SYNE1: variants seen among roughly 807,000 people sequenced by gnomAD.
SYNE1 encodes nesprin-1.
A neutral mutation model predicts 1,111.0 loss-of-function variants in SYNE1; 616 were observed. That is an observed-to-expected ratio of 0.55 (90% confidence interval 0.52 to 0.59). The LOEUF is 0.59. Among genes scored for constraint, SYNE1 ranks in the 20% least tolerant of loss-of-function variants. The probability of loss-of-function intolerance (pLI) is 0.00; values close to 1 mark genes in which losing one functional copy is unlikely to be tolerated. For synonymous variants in SYNE1, 3,855 were observed against 3,825.8 expected, an observed-to-expected ratio of 1.01 and a Z score of -0.28; for missense variants, 10,006 against 10,417.0, an observed-to-expected ratio of 0.96 and a Z score of 1.72.
chr6:152,276,908 G>A (rs1179571531), intron 98 of SYNE1, among the ~76,000 whole-genome samples: 9 of 134,068 alleles, frequency 6.7e-5, no homozygotes, highest in Admixed American at 2.4e-4. Flanking sequence ...TTTTTGAGAC[G>A]GCGTCTCCCT....
In SYNE1 at chr6:152,219,493, GA is replaced by G. The variant is rs34187904; in HGVS notation, c.21862-309del. Reference sequence around the variant, plus strand: ...AATGCAGAAAAACATACATAAACAAGAAAAAAAAAAAAAACAAACATGACCC... The same window carrying G: ...AATGCAGAAAAACATACATAAACAAGAAAAAAAAAAAAACAAACATGACCC... On this transcript the variant is annotated intron_variant, in intron 119 of 145. Transcript: ENST00000367255. Among the ~76,000 whole-genome samples the G allele has an allele frequency of 2.3e-3, 309 of 132,980 alleles. 4 individuals carry two copies. The highest frequency in any genetic ancestry group is 7.0e-3 in the East Asian group (33 of 4,686). The allele number at this position is 132,980 out of a possible 152,430, so 87.2% of individuals were successfully genotyped here.
intron 121 of SYNE1, among the ~76,000 whole-genome samples, chr6:152,217,280 T>A (rs1224949100): frequency 7.0e-6 from 1 of 142,166 alleles, no homozygotes; most frequent in Non-Finnish European, 1.5e-5. Context: ...CCTGCAGTCC[T>A]AACTACTCGG....
chr6:152,334,825 G>A (rs576341847), intron 76 of SYNE1, among the ~76,000 whole-genome samples: 2 of 152,276 alleles, frequency 1.3e-5, no homozygotes, highest in East Asian at 3.9e-4. Flanking sequence ...ATGCAGCCCA[G>A]CAGGTCTCAG....
At chr6:152,410,645 G>A (rs1276887746) in intron 42 of SYNE1, among the ~76,000 whole-genome samples, 1 of 152,142 alleles carries the variant, frequency 6.6e-6, no homozygotes, top group Non-Finnish European at 1.5e-5. Flanking sequence ...GCATGAGAAA[G>A]GCTTGAACTC....
chr6:152,539,307 T>C (rs908485492), intron 4 of SYNE1, among the ~76,000 whole-genome samples: 1 of 152,184 alleles, frequency 6.6e-6, no homozygotes, highest in Non-Finnish European at 1.5e-5. Context: ...TTTACAAATA[T>C]GATGTCTCTT....
intron 127 of SYNE1, among the ~76,000 whole-genome samples, chr6:152,201,471 T>C (rs1239906887): frequency 6.6e-6 from 1 of 150,680 alleles, no homozygotes; most frequent in East Asian, 1.9e-4. Context: ...AGGCTGTTGA[T>C]CCTTTTTTTT....
intron 5 of SYNE1, among the ~76,000 whole-genome samples, chr6:152,521,943 A>T (rs1038886292): frequency 6.6e-6 from 1 of 152,094 alleles, no homozygotes; most frequent in African/African-American, 2.4e-5. Context: ...AAACATATTC[A>T]CCCATGTTTT....
rs776393742 is a variant in SYNE1 at position 152,430,716 on chromosome 6, G to A, written c.4462-7C>T. The A allele has an allele frequency of 1.2e-6, 2 of 1,612,536 alleles. No individual in the cohort carries two copies. Among genetic ancestry groups the A allele is most frequent in the African/African-American group, 1.3e-5 (1 of 75,008 alleles). On this transcript the variant is annotated splice_region_variant and splice_polypyrimidine_tract_variant and intron_variant, in intron 34 of 145. Transcript: ENST00000367255. ...CTATTTCCTGAATTGTGACCTAATA[G>A]TTAAAACAAGAAAAATGACAATGTA...
At chr6:152,617,767 T>C (rs2099662583) in intron 3 of SYNE1, among the ~76,000 whole-genome samples, 1 of 152,196 alleles carries the variant, frequency 6.6e-6, no homozygotes, top group Admixed American at 6.5e-5. Context: ...AGGAATCCTC[T>C]CACTCTGGCT....
intron 3 of SYNE1, among the ~76,000 whole-genome samples, chr6:152,578,262 A>T (rs2099508069): frequency 6.6e-6 from 1 of 152,158 alleles, no homozygotes; most frequent in Non-Finnish European, 1.5e-5. Context: ...GGTCTGCCCC[A>T]ATGTTAACAT....
chr6:152,240,655 G>C (rs2085414331), intron 107 of SYNE1, among the ~76,000 whole-genome samples: 1 of 152,084 alleles, frequency 6.6e-6, no homozygotes, highest in African/African-American at 2.4e-5. Flanking sequence ...TGTTTGCTAG[G>C]CACTCCATAA....
intron 10 of SYNE1, among the ~76,000 whole-genome samples, chr6:152,500,279 A>G (rs567418191): frequency 6.6e-6 from 1 of 152,264 alleles, no homozygotes; most frequent in South Asian, 2.1e-4. Context: ...GCCCCAGATG[A>G]CTCCAAAATA....
chr6:152,608,710 C>G (rs2099622913), intron 3 of SYNE1, among the ~76,000 whole-genome samples: 1 of 152,122 alleles, frequency 6.6e-6, no homozygotes, highest in Non-Finnish European at 1.5e-5. Context: ...CCAAGGCAGG[C>G]AGATCATGAG....
chr6:152,208,719 A>T (rs1278369464), intron 124 of SYNE1, among the ~76,000 whole-genome samples: 1 of 152,214 alleles, frequency 6.6e-6, no homozygotes, highest in Non-Finnish European at 1.5e-5. Flanking sequence ...TGTACTCCAT[A>T]AACTCTCTCA....
chr6:152,156,119 T>G, intron 131 of SYNE1, 22 bp from the exon 132 acceptor site: 2 of 1,613,920 alleles, frequency 1.2e-6, no homozygotes, highest in Non-Finnish European at 1.7e-6. Flanking sequence ...CGTAACAGGC[T>G]TTATTCAACA....
At chr6:152,436,311 T>C (rs1388907841) in intron 32 of SYNE1, among the ~76,000 whole-genome samples, 1 of 151,072 alleles carries the variant, frequency 6.6e-6, no homozygotes, top group African/African-American at 2.4e-5. Flanking sequence ...ATTTTATTTC[T>C]TTTTTTTTGA....
chr6:152,260,938 C>T (rs902020349), intron 101 of SYNE1, among the ~76,000 whole-genome samples: 2 of 152,130 alleles, frequency 1.3e-5, no homozygotes, highest in African/African-American at 2.4e-5. Context: ...TAACAGGCCA[C>T]GGACCCATAC....
intron 135 of SYNE1, among the ~76,000 whole-genome samples, chr6:152,150,172 G>A (rs1195010418): frequency 6.6e-6 from 1 of 152,140 alleles, no homozygotes; most frequent in African/African-American, 2.4e-5. Flanking sequence ...TCAGAACATA[G>A]GCAGGTAAAG....
intron 54 of SYNE1, among the ~76,000 whole-genome samples, chr6:152,386,180 C>A (rs933637954): frequency 6.6e-6 from 1 of 152,144 alleles, no homozygotes; most frequent in Admixed American, 6.5e-5. Flanking sequence ...TGGTGTACAG[C>A]AGTCTGTTCA....
Sources: allele counts gnomAD v4.1 joint callset (sites outside exome capture counted in the v4.1 genomes callset), GRCh38; gene constraint gnomAD v4.1.1; transcripts MANE v1.5; gene names NCBI Gene and HGNC (gene_info 2026-07-23, HGNC 2026-07-21).